Variants in PCDH15 observed in about 807,000 individuals in gnomAD.
The protein encoded by PCDH15 is protocadherin related 15, also known as protocadherin-15.
Under a neutral mutation model 178.5 loss-of-function variants are expected in PCDH15, and 129 were observed. The observed-to-expected ratio is 0.72, with a 90% CI of 0.63 to 0.84. PCDH15 has a LOEUF of 0.84. PCDH15 is among the 40% of genes least tolerant of loss of function. The pLI is 0.00. For synonymous variants in PCDH15, 800 were observed against 732.0 expected, an observed-to-expected ratio of 1.09 and a Z score of -1.50; for missense variants, 2,230 against 2,099.9, an observed-to-expected ratio of 1.06 and a Z score of -1.21.
intron 20 of PCDH15, among the ~76,000 whole-genome samples, chr10:54,006,154 T>C (rs1428433471): frequency 6.6e-6 from 1 of 152,182 alleles, no homozygotes; most frequent in Non-Finnish European, 1.5e-5. Flanking sequence ...ACATTTTCTT[T>C]GTTTTCTCTG....
chr10:55,590,161 T>C (rs1842813904), intron 2 of PCDH15, among the ~76,000 whole-genome samples: 1 of 151,756 alleles, frequency 6.6e-6, no homozygotes, highest in African/African-American at 2.4e-5. Flanking sequence ...ATGTCCTTTA[T>C]AGGGACATGG....
chr10:53,858,443 T>C (rs895104338), intron 27 of PCDH15, among the ~76,000 whole-genome samples: 13 of 152,138 alleles, frequency 8.5e-5, no homozygotes, highest in African/African-American at 2.7e-4. Flanking sequence ...CACATAACTC[T>C]GCTGAAGAGG....
chr10:54,069,390 TA>T (rs1391750479), intron 17 of PCDH15, among the ~76,000 whole-genome samples: 1 of 152,182 alleles, frequency 6.6e-6, no homozygotes, highest in African/African-American at 2.4e-5. Context: ...GATCACTAAG[TA>T]AACTAAGAAG....
intron 26 of PCDH15, among the ~76,000 whole-genome samples, chr10:53,902,213 TG>T: frequency 6.6e-6 from 1 of 152,272 alleles, no homozygotes; most frequent in Middle Eastern, 3.4e-3. Flanking sequence ...GTTAAACTGG[TG>T]ATTCAGGTCA....
intron 1 of PCDH15, among the ~76,000 whole-genome samples, chr10:55,286,114 G>A (rs1842862758): frequency 6.6e-6 from 1 of 151,632 alleles, no homozygotes; most frequent in African/African-American, 2.4e-5. Context: ...TAATACCTAC[G>A]CATGTTTCTT....
At chr10:54,752,492 C>CAAACAAAAAAAAAAAAAAAA (rs1946421754) in intron 1 of PCDH15, among the ~76,000 whole-genome samples, 1 of 67,784 alleles carries the variant, frequency 1.5e-5, no homozygotes, top group Non-Finnish European at 3.3e-5. Context: ...AAAAAAAAAA[C>CAAACAAAAAAAAAAAAAAAA]AAAAAACAAA....
At chr10:54,468,999 T>A (rs924977737) in intron 3 of PCDH15, among the ~76,000 whole-genome samples, 2 of 152,224 alleles carry the variant, frequency 1.3e-5, no homozygotes, top group African/African-American at 2.4e-5. Flanking sequence ...TGGAATATCT[T>A]TTTCCATCCC....
At chr10:54,882,102 G>T (rs1376632350) in intron 3 of PCDH15, among the ~76,000 whole-genome samples, 1 of 151,962 alleles carries the variant, frequency 6.6e-6, no homozygotes, top group African/African-American at 2.4e-5. Flanking sequence ...GAATTCATAT[G>T]ATAGTATTTT....
chr10:55,007,305 CCTAA>C (rs1453521523), intron 2 of PCDH15, among the ~76,000 whole-genome samples: 5 of 152,178 alleles, frequency 3.3e-5, no homozygotes, highest in African/African-American at 1.2e-4. Flanking sequence ...TTCCAAGGTG[CCTAA>C]CTATTACCAA....
Position 53,804,450 on chromosome 10 carries a change from T to A in PCDH15, c.*2129A>T, listed in dbSNP as rs1037954236. The A allele has an allele frequency of 2.6e-5, 4 of 152,080 alleles. No homozygotes were observed. The highest frequency in any genetic ancestry group is 2.0e-4 in the Admixed American group (3 of 15,256). The allele number at this position is 152,080 out of a possible 1,614,324, so 9.4% of individuals were successfully genotyped here. A position where few individuals can be genotyped will look rare whatever the true frequency, so the allele number is the denominator to read the frequency against. ...TACCTAATTCCCATCTTAAGCTTCATGATTTTTCAACATTAAGAAAACAAA... is the reference window on the plus strand; with the variant it reads ...TACCTAATTCCCATCTTAAGCTTCAAGATTTTTCAACATTAAGAAAACAAA... On this transcript the variant is annotated 3_prime_UTR_variant, in exon 38 of 38. Coordinates refer to ENST00000644397, the MANE Select transcript of PCDH15 (RefSeq NM_001384140.1).
At position 54,099,750 on chromosome 10, in the gene PCDH15, T is replaced by A. The variant is rs535235838; in HGVS notation, c.1918-9687A>T. On this transcript the variant is annotated intron_variant, in intron 15 of 37. Coordinates refer to ENST00000644397, the MANE Select transcript of PCDH15 (RefSeq NM_001384140.1). ...GTACTGCTAGAAATGAGAAATAATA[T>A]AAAACTATTCAATATAGCCCCTACC... Among the ~76,000 whole-genome samples the A allele has an allele frequency of 1.9e-3, 282 of 151,948 alleles. 2 individuals carry two copies. Among genetic ancestry groups the A allele is most frequent in the African/African-American group, 6.6e-3 (274 of 41,472 alleles).
At chr10:54,013,193 T>C (rs923477370) in intron 20 of PCDH15, among the ~76,000 whole-genome samples, 2 of 152,070 alleles carry the variant, frequency 1.3e-5, no homozygotes, top group African/African-American at 4.8e-5. Context: ...AAGGATACAA[T>C]GCAATAAGAA....
intron 2 of PCDH15, among the ~76,000 whole-genome samples, chr10:55,124,347 T>C (rs373417369): frequency 2.0e-5 from 3 of 152,152 alleles, no homozygotes; most frequent in African/African-American, 7.2e-5. Flanking sequence ...TGGTTATATA[T>C]GGATAAAATT....
At chr10:55,151,205 C>T (rs7904382) in intron 2 of PCDH15, among the ~76,000 whole-genome samples, 55,504 of 151,830 alleles carry the variant, frequency 0.37, 10,528 homozygotes, top group Admixed American at 0.46. Flanking sequence ...TGTCATTTCT[C>T]TAATCCAGAA....
intron 3 of PCDH15, among the ~76,000 whole-genome samples, chr10:54,888,789 C>CT (rs59914980): frequency 0.34 from 37,360 of 110,044 alleles, 5,593 homozygotes; most frequent in Middle Eastern, 0.43. Context: ...TTCATTTTTT[C>CT]TTTTTTTTTT....
At chr10:55,412,969 A>T (rs1259407143) in intron 2 of PCDH15, among the ~76,000 whole-genome samples, 1 of 151,466 alleles carries the variant, frequency 6.6e-6, no homozygotes, top group Non-Finnish European at 1.5e-5. Flanking sequence ...AATAAACAAA[A>T]CCACTAGTTA....
At chr10:54,757,986 G>T (rs1486088493) in intron 1 of PCDH15, among the ~76,000 whole-genome samples, 4 of 152,116 alleles carry the variant, frequency 2.6e-5, no homozygotes, top group Non-Finnish European at 5.9e-5. Flanking sequence ...TATTTGAGCT[G>T]CTTTTCTTTC....
chr10:54,490,662 C>T (rs903744412), intron 3 of PCDH15, among the ~76,000 whole-genome samples: 3 of 151,964 alleles, frequency 2.0e-5, no homozygotes, highest in Non-Finnish European at 4.4e-5. Flanking sequence ...CCCACCCGAT[C>T]CGCTGAATCA....
intron 35 of PCDH15, among the ~76,000 whole-genome samples, chr10:53,815,150 T>C (rs1430735172): frequency 6.6e-6 from 1 of 152,188 alleles, no homozygotes; most frequent in Non-Finnish European, 1.5e-5. Context: ...GTGATTTTCT[T>C]GGGTAGATCA....
Sources: gnomAD v4.1 joint callset for allele counts (sites outside exome capture counted in the v4.1 genomes callset) on GRCh38, gnomAD v4.1.1 for gene constraint, MANE v1.5 for transcripts, NCBI Gene and HGNC (gene_info 2026-07-23, HGNC 2026-07-21) for gene names.